Variants in NFIA observed in about 807,000 individuals in gnomAD.
The protein encoded by NFIA is nuclear factor I A.
A neutral mutation model predicts 62.8 loss-of-function variants in NFIA; 8 were observed. The ratio of observed to expected loss-of-function variants is 0.13; its 90% confidence interval spans 0.07 to 0.23. The LOEUF (loss-of-function observed/expected upper bound fraction) is 0.23, where lower values mean the gene tolerates loss of function less well. Ranked by LOEUF, NFIA falls within the 10% of genes least tolerant of loss-of-function variation. The pLI is 1.00. For missense variants in NFIA, 410 were observed against 642.1 expected (o/e 0.64, Z 3.91); for synonymous variants, 235 against 238.1 (o/e 0.99, Z 0.12).
At chr1:61,454,731 A>G (rs1470924719) in intron 10 of NFIA, among the ~76,000 whole-genome samples, 1 of 152,146 alleles carries the variant, frequency 6.6e-6, no homozygotes, top group Non-Finnish European at 1.5e-5. Context: ...CACTTTTTCC[A>G]CCTTACCTCC....
rs183582784 is a variant in NFIA, at chr1:61,452,571, C to G, written c.1513-2732C>G. Reference sequence around the variant, plus strand: ...CTGCCTTCAGGAGTCATATTGACACCCCACCACAGGGCAGCTCAGCCCCTC... The same window carrying G: ...CTGCCTTCAGGAGTCATATTGACACGCCACCACAGGGCAGCTCAGCCCCTC... On this transcript the variant is annotated intron_variant, in intron 10 of 10. Coordinates refer to ENST00000403491, the MANE Select transcript of NFIA (RefSeq NM_001134673.4). Among the ~76,000 whole-genome samples, 450 of 152,178 alleles carry G rather than the reference C, an allele frequency of 3.0e-3. 2 individuals are homozygous for G. Among genetic ancestry groups the G allele is most frequent in the African/African-American group, 0.011 (443 of 41,508 alleles).
At chr1:61,108,341 C>G (rs1019919844) in intron 2 of NFIA, among the ~76,000 whole-genome samples, 1 of 151,524 alleles carries the variant, frequency 6.6e-6, no homozygotes, top group Non-Finnish European at 1.5e-5. Context: ...AGGTTTTGAA[C>G]ACTTTTGTGA....
intron 10 of NFIA, among the ~76,000 whole-genome samples, chr1:61,436,338 A>G (rs1053367334): frequency 2.2e-4 from 34 of 152,334 alleles, no homozygotes; most frequent in Non-Finnish European, 4.0e-4. Flanking sequence ...GCCCTGCTGC[A>G]TGAACTTTGA....
chr1:61,268,956 G>C (rs569378584), intron 2 of NFIA, among the ~76,000 whole-genome samples: 1 of 152,048 alleles, frequency 6.6e-6, no homozygotes, highest in East Asian at 1.9e-4. Context: ...CCCTGAACCC[G>C]TGCTCCCTCC....
At chr1:61,416,933 C>T (rs563586392) in intron 9 of NFIA, among the ~76,000 whole-genome samples, 1 of 151,950 alleles carries the variant, frequency 6.6e-6, no homozygotes, top group Non-Finnish European at 1.5e-5. Context: ...TTTTACATTA[C>T]GTCAAGAATA....
At chr1:61,105,169 C>G (rs1646574240) in intron 2 of NFIA, among the ~76,000 whole-genome samples, 1 of 151,814 alleles carries the variant, frequency 6.6e-6, no homozygotes, top group South Asian at 2.1e-4. Flanking sequence ...GTGTGAGATT[C>G]AGGTCAAGGT....
chr1:61,113,461 G>C (rs1646739710), intron 2 of NFIA, among the ~76,000 whole-genome samples: 1 of 152,062 alleles, frequency 6.6e-6, no homozygotes, highest in East Asian at 1.9e-4. Flanking sequence ...AGGCATGGTG[G>C]CAGGCACCTG....
intron 3 of NFIA, among the ~76,000 whole-genome samples, chr1:61,327,048 T>TA (rs912758221): frequency 1.1e-4 from 17 of 148,376 alleles, no homozygotes; most frequent in Non-Finnish European, 2.5e-4. Flanking sequence ...TATATATATA[T>TA]GATATGTATA....
chr1:61,192,575 C>T (rs1651712411), intron 2 of NFIA, among the ~76,000 whole-genome samples: 1 of 151,758 alleles, frequency 6.6e-6, no homozygotes, highest in Admixed American at 6.6e-5. Context: ...TGGTGGTGGG[C>T]GCCTGTAATC....
chr1:61,204,443 A>T (rs1652756135), intron 2 of NFIA, among the ~76,000 whole-genome samples: 1 of 152,210 alleles, frequency 6.6e-6, no homozygotes, highest in Admixed American at 6.5e-5. Flanking sequence ...TAAAGGTAGT[A>T]CCTAATGTGA....
At chr1:61,350,315 A>G (rs1046148836) in intron 4 of NFIA, among the ~76,000 whole-genome samples, 4 of 152,132 alleles carry the variant, frequency 2.6e-5, no homozygotes, top group African/African-American at 9.7e-5. Context: ...CTGAATTCAA[A>G]TTTATGTTCC....
At chr1:61,411,865 G>A (rs188040506) in intron 9 of NFIA, among the ~76,000 whole-genome samples, 191 of 151,714 alleles carry the variant, frequency 1.3e-3, no homozygotes, top group Non-Finnish European at 2.3e-3. Flanking sequence ...GAACCAGCCA[G>A]TAGAAAGGCA....
intron 2 of NFIA, among the ~76,000 whole-genome samples, chr1:61,184,125 C>CAAAAAAAAAAAAAAAAACCA (rs1650961712): frequency 2.1e-5 from 2 of 94,918 alleles, no homozygotes; most frequent in Non-Finnish European, 4.6e-5. Flanking sequence ...GAAAAAAAAC[C>CAAAAAAAAAAAAAAAAACCA]AAAAAAAAAA....
intron 9 of NFIA, among the ~76,000 whole-genome samples, chr1:61,424,683 C>G (rs1340349305): frequency 6.6e-6 from 1 of 152,178 alleles, no homozygotes; most frequent in Admixed American, 6.5e-5. Flanking sequence ...ATCCCTCCCA[C>G]ATCCTCTTTG....
chr1:61,147,411 G>A (rs1324282590), intron 2 of NFIA, among the ~76,000 whole-genome samples: 2 of 152,110 alleles, frequency 1.3e-5, no homozygotes, highest in South Asian at 2.1e-4. Flanking sequence ...TCGGCCTCCC[G>A]AAGTGCTAGG....
chr1:61,377,115 C>T (rs1156576099), intron 6 of NFIA, among the ~76,000 whole-genome samples: 1 of 151,684 alleles, frequency 6.6e-6, no homozygotes, highest in South Asian at 2.1e-4. Flanking sequence ...CCCAGCTACT[C>T]AGGAGGCTGA....
intron 3 of NFIA, among the ~76,000 whole-genome samples, chr1:61,289,324 G>GC (rs1389864230): frequency 4.6e-5 from 7 of 152,168 alleles, no homozygotes; most frequent in African/African-American, 1.7e-4. Context: ...GGCCACCAGA[G>GC]CCATGCACTG....
At chr1:61,379,239 AT>A (rs1009023985) in intron 6 of NFIA, among the ~76,000 whole-genome samples, 2 of 150,726 alleles carry the variant, frequency 1.3e-5, no homozygotes, top group South Asian at 2.1e-4. Context: ...GAGTACCACA[AT>A]TTTTTTTTCA....
intron 2 of NFIA, among the ~76,000 whole-genome samples, chr1:61,101,545 A>G (rs1476194924): frequency 4.6e-5 from 7 of 152,174 alleles, no homozygotes; most frequent in Non-Finnish European, 1.0e-4. Flanking sequence ...AAAATGAAAC[A>G]GCAGGAGAAC....
Sources: allele counts gnomAD v4.1 joint callset (sites outside exome capture counted in the v4.1 genomes callset), GRCh38; gene constraint gnomAD v4.1.1; transcripts MANE v1.5; gene names NCBI Gene and HGNC (gene_info 2026-07-23, HGNC 2026-07-21).